The following TTC6 variants were observed in gnomAD, a reference collection of about 807,000 sequenced individuals.
TTC6 encodes the protein tetratricopeptide repeat protein 6.
Under a neutral mutation model 210.4 loss-of-function variants are expected in TTC6, and 172 were observed. The ratio of observed to expected loss-of-function variants is 0.82; its 90% CI spans 0.72 to 0.93. The LOEUF is 0.93. TTC6 is among the 40% of genes least tolerant of loss of function. The pLI, the probability that TTC6 is intolerant of heterozygous loss-of-function variation, is 0.00. For synonymous variants in TTC6, 804 were observed against 819.6 expected, an observed-to-expected ratio of 0.98 and a Z score of 0.32; for missense variants, 2,414 against 2,318.1, an observed-to-expected ratio of 1.04 and a Z score of -0.85.
chr14:37,715,645 A>G (rs1162321908), intron 6 of TTC6, among the ~76,000 whole-genome samples: 2 of 152,202 alleles, frequency 1.3e-5, no homozygotes, highest in Non-Finnish European at 2.9e-5. Context: ...GTTGAATGGA[A>G]ATGGGTTTCT....
intron 10 of TTC6, among the ~76,000 whole-genome samples, chr14:37,741,675 A>C (rs1011773409): frequency 6.6e-6 from 1 of 152,150 alleles, no homozygotes; most frequent in Non-Finnish European, 1.5e-5. Context: ...CATCACACCC[A>C]TTCTTGGCTG....
exon 13 of TTC6, chr14:37,751,180 G>A: frequency 2.6e-6 from 4 of 1,531,086 alleles, no homozygotes; most frequent in Non-Finnish European, 3.5e-6. Context: ...GGGGTGAGAT[G>A]TATGAAATAA....
At chr14:37,819,832 G>T (rs990247809) in intron 26 of TTC6, among the ~76,000 whole-genome samples, 2 of 152,184 alleles carry the variant, frequency 1.3e-5, no homozygotes, top group Admixed American at 6.5e-5. Flanking sequence ...GGAAAATGCA[G>T]TGGGCCTTTG....
intron 1 of TTC6, among the ~76,000 whole-genome samples, chr14:37,651,956 G>T (rs2095713896): frequency 6.6e-6 from 1 of 152,196 alleles, no homozygotes; most frequent in Non-Finnish European, 1.5e-5. Flanking sequence ...CCATTAGAGG[G>T]TTTGAAGCAG....
exon 6 of TTC6, chr14:37,714,759 G>T (rs764017019): frequency 1.0e-5 from 16 of 1,535,280 alleles, no homozygotes; most frequent in Non-Finnish European, 3.5e-6. Flanking sequence ...ACTAGAGAGC[G>T]TGCTCACAAA....
rs757273931 is a variant in TTC6 at position 37,622,361 on chromosome 14, T to TC, written c.300dup (p.Ser101LeufsTer5). The stretch of plus-strand genomic sequence containing the variant: ...AGGAGGTGCTCGGAGGCGCGCCGCG[T>TC]CCCTCGGGCCTGGGTGAGGCGGCGG... On this transcript the variant is annotated frameshift_variant, in exon 1 of 31. Coordinates refer to ENST00000553443, the Ensembl canonical transcript of TTC6. LOFTEE classifies it high-confidence loss of function. 29 of 1,530,792 alleles carry TC rather than the reference T, an allele frequency of 1.9e-5. No homozygotes were observed. The Middle Eastern group carries it at 2.8e-3, about 150-fold the overall frequency. 94.8% of individuals were successfully genotyped at this position (1,530,792 alleles called of 1,614,324 possible).
chr14:37,819,322 AAC>A (rs2096150058), intron 26 of TTC6, among the ~76,000 whole-genome samples: 1 of 152,190 alleles, frequency 6.6e-6, no homozygotes, highest in Admixed American at 6.6e-5. Context: ...CATGGACTGT[AAC>A]TATGGGGATT....
intron 1 of TTC6, among the ~76,000 whole-genome samples, chr14:37,631,394 A>G (rs2139342185): frequency 6.6e-6 from 1 of 152,256 alleles, no homozygotes; most frequent in South Asian, 2.1e-4. Flanking sequence ...TGGATATGAA[A>G]TTCTGGGTTG....
chr14:37,802,286 T>C (rs2096108467), intron 20 of TTC6: 1 of 152,150 alleles, frequency 6.6e-6, no homozygotes, highest in African/African-American at 2.4e-5. Flanking sequence ...TAATGCGTGC[T>C]GGGCTTAATA....
chr14:37,664,425 G>A (rs927731921), intron 1 of TTC6, among the ~76,000 whole-genome samples: 1 of 150,584 alleles, frequency 6.6e-6, no homozygotes, highest in Non-Finnish European at 1.5e-5. Context: ...TTAATAAATG[G>A]CACCAGGAGA....
chr14:37,796,750 T>C (rs2139366318), intron 19 of TTC6, 37 bp from the exon 22 acceptor site: 1 of 1,570,976 alleles, frequency 6.4e-7, no homozygotes, highest in South Asian at 1.2e-5. Flanking sequence ...TCATTGATAC[T>C]TGGCAAAGAT....
chr14:37,760,936 C>G (rs917817378), intron 14 of TTC6, among the ~76,000 whole-genome samples: 6 of 152,174 alleles, frequency 3.9e-5, no homozygotes, highest in Non-Finnish European at 8.8e-5. Context: ...GCCAGTGGTT[C>G]TTAGCTTGCT....
intron 1 of TTC6, among the ~76,000 whole-genome samples, chr14:37,674,392 C>A (rs1176186668): frequency 6.6e-6 from 1 of 151,998 alleles, no homozygotes; most frequent in Non-Finnish European, 1.5e-5. Flanking sequence ...AGAATAATGT[C>A]AAATTATGAT....
At chr14:37,639,483 GT>G (rs1265309662) in intron 1 of TTC6, among the ~76,000 whole-genome samples, 1 of 152,084 alleles carries the variant, frequency 6.6e-6, no homozygotes. Context: ...ATTAATTATA[GT>G]TTTTTTCTGT....
chr14:37,723,932 C>T (rs2095866607), intron 6 of TTC6, among the ~76,000 whole-genome samples: 1 of 152,010 alleles, frequency 6.6e-6, no homozygotes, highest in Non-Finnish European at 1.5e-5. Context: ...AAAATTCACC[C>T]CTTGTGCTTC....
At chr14:37,807,756 C>T (rs1403123045) in intron 23 of TTC6, among the ~76,000 whole-genome samples, 1 of 152,000 alleles carries the variant, frequency 6.6e-6, no homozygotes, top group Non-Finnish European at 1.5e-5. Context: ...GGATTATTAT[C>T]TCACCATCAA....
chr14:37,780,890 G>A (rs1207537546), intron 14 of TTC6, among the ~76,000 whole-genome samples: 1 of 152,032 alleles, frequency 6.6e-6, no homozygotes, highest in Non-Finnish European at 1.5e-5. Flanking sequence ...TTGGTTTTCT[G>A]ATCTTGTGAT....
At chr14:37,805,289 A>G (rs766660326) in intron 21 of TTC6, among the ~76,000 whole-genome samples, 16 of 152,194 alleles carry the variant, frequency 1.1e-4, no homozygotes, top group East Asian at 1.9e-4. Context: ...CAATTATTAC[A>G]TATTTATCCA....
At chr14:37,697,473 C>A (rs1478904403) in intron 4 of TTC6, among the ~76,000 whole-genome samples, 1 of 152,070 alleles carries the variant, frequency 6.6e-6, no homozygotes, top group Non-Finnish European at 1.5e-5. Flanking sequence ...CTTCTAGATT[C>A]TTCTTCATTT....
Sources: gnomAD v4.1 joint callset for allele counts (sites outside exome capture counted in the v4.1 genomes callset) on GRCh38, gnomAD v4.1.1 for gene constraint, MANE v1.5 for transcripts, NCBI Gene and HGNC (gene_info 2026-07-23, HGNC 2026-07-21) for gene names.